Variants in ERBB4 observed in about 807,000 individuals in gnomAD.
The protein encoded by ERBB4 is receptor tyrosine-protein kinase erbB-4.
A neutral mutation model predicts 158.0 loss-of-function variants in ERBB4; 42 were observed. The observed-to-expected ratio is 0.27, with a 90% confidence interval of 0.21 to 0.34. The LOEUF (loss-of-function observed/expected upper bound fraction) is 0.34. Ranked by LOEUF, ERBB4 falls within the 10% of genes least tolerant of loss-of-function variation. The probability of loss-of-function intolerance (pLI) is 1.00; values close to 1 mark genes in which losing one functional copy is unlikely to be tolerated. For missense variants in ERBB4, 1,333 were observed against 1,624.1 expected (o/e 0.82, Z 3.08); for synonymous variants, 583 against 558.7 (o/e 1.04, Z -0.61).
At chr2:212,415,587 CTT>C (rs1000968346) in intron 1 of ERBB4, among the ~76,000 whole-genome samples, 1 of 151,912 alleles carries the variant, frequency 6.6e-6, no homozygotes, top group African/African-American at 2.4e-5. Flanking sequence ...AAACAAGAGA[CTT>C]TTCCAAATTA....
chr2:211,915,438 C>CAT (rs78546007), intron 3 of ERBB4, among the ~76,000 whole-genome samples: 30,664 of 147,434 alleles, frequency 0.21, 4,208 homozygotes, highest in African/African-American at 0.39. Flanking sequence ...TCAAACATTA[C>CAT]ATATATATAT....
At chr2:212,310,622 T>C (rs1484705915) in intron 1 of ERBB4, among the ~76,000 whole-genome samples, 1 of 145,206 alleles carries the variant, frequency 6.9e-6, no homozygotes, top group Non-Finnish European at 1.5e-5. Flanking sequence ...TGTGTGTGTG[T>C]GTGTGTGTGT....
chr2:211,525,836 G>C (rs1021225048), intron 20 of ERBB4, among the ~76,000 whole-genome samples: 1 of 152,084 alleles, frequency 6.6e-6, no homozygotes, highest in African/African-American at 2.4e-5. Flanking sequence ...TAGTGGTGGT[G>C]ACCACAGGGT....
At chr2:211,971,702 T>A (rs2081458086) in intron 2 of ERBB4, among the ~76,000 whole-genome samples, 1 of 152,188 alleles carries the variant, frequency 6.6e-6, no homozygotes, top group Non-Finnish European at 1.5e-5. Flanking sequence ...TTATCCATTA[T>A]GATCAAGTAG....
At chr2:212,051,052 T>G (rs950833226) in intron 2 of ERBB4, among the ~76,000 whole-genome samples, 5 of 152,152 alleles carry the variant, frequency 3.3e-5, no homozygotes, top group Admixed American at 2.0e-4. Context: ...GGCACTGCCA[T>G]GAAAAGTCCA....
At chr2:211,390,925 A>C (rs760028631) in intron 25 of ERBB4, among the ~76,000 whole-genome samples, 7 of 152,042 alleles carry the variant, frequency 4.6e-5, no homozygotes, top group Non-Finnish European at 1.0e-4. Context: ...CCATTTTTTC[A>C]GTTTGCTTTT....
At chr2:212,211,939 C>G (rs888629478) in intron 1 of ERBB4, among the ~76,000 whole-genome samples, 1 of 150,060 alleles carries the variant, frequency 6.7e-6, no homozygotes, top group Non-Finnish European at 1.5e-5. Context: ...ATATGTACCA[C>G]ATTTTCTTTA....
chr2:212,389,197 A>G (rs1024704157), intron 1 of ERBB4, among the ~76,000 whole-genome samples: 3 of 152,108 alleles, frequency 2.0e-5, no homozygotes. Flanking sequence ...TGATGTAGTT[A>G]CATAATGATT....
chr2:211,936,572 GA>G (rs1173423374), intron 3 of ERBB4, among the ~76,000 whole-genome samples: 4 of 152,018 alleles, frequency 2.6e-5, no homozygotes, highest in African/African-American at 9.7e-5. Context: ...TATTAAGGAA[GA>G]GGGGAAAATA....
chr2:212,020,434 A>G (rs1295515455), intron 2 of ERBB4, among the ~76,000 whole-genome samples: 2 of 152,120 alleles, frequency 1.3e-5, no homozygotes, highest in Admixed American at 6.6e-5. Context: ...CCTTACAATG[A>G]GAATATATCT....
chr2:211,515,912 A>ATATATATATATATTT (rs35696520), intron 20 of ERBB4, among the ~76,000 whole-genome samples: 12 of 78,984 alleles, frequency 1.5e-4, no homozygotes, highest in African/African-American at 6.3e-4. Context: ...ATATATATAT[A>ATATATATATATATTT]TTTTTTTTTT....
intron 22 of ERBB4, among the ~76,000 whole-genome samples, chr2:211,425,905 A>G (rs2063616592): frequency 6.6e-6 from 1 of 152,072 alleles, no homozygotes; most frequent in African/African-American, 2.4e-5. Context: ...GCTGGTCTCA[A>G]ACTCCTGGGT....
At chr2:211,551,622 A>AGTAGG (rs2067101010) in intron 20 of ERBB4, among the ~76,000 whole-genome samples, 1 of 152,150 alleles carries the variant, frequency 6.6e-6, no homozygotes, top group African/African-American at 2.4e-5. Flanking sequence ...CTATGATGTT[A>AGTAGG]GTAGGGTTAT....
intron 1 of ERBB4, among the ~76,000 whole-genome samples, chr2:212,475,892 A>G (rs181579473): frequency 9.9e-4 from 150 of 152,136 alleles, no homozygotes; most frequent in Middle Eastern, 3.4e-3. Flanking sequence ...ACTCAGTCCA[A>G]TCACTTTCAT....
chr2:212,155,168 TAAG>T (rs1279064689), intron 1 of ERBB4, among the ~76,000 whole-genome samples: 2 of 152,146 alleles, frequency 1.3e-5, no homozygotes, highest in Non-Finnish European at 2.9e-5. Context: ...AAGCTTGTCT[TAAG>T]AAAAAAGTCT....
At chr2:212,084,239 A>C (rs1391822106) in intron 2 of ERBB4, among the ~76,000 whole-genome samples, 1 of 152,002 alleles carries the variant, frequency 6.6e-6, no homozygotes, top group Non-Finnish European at 1.5e-5. Flanking sequence ...CAACTCAACA[A>C]ATTAGCGGGA....
intron 12 of ERBB4, among the ~76,000 whole-genome samples, chr2:211,701,305 A>G (rs1175571008): frequency 6.6e-6 from 1 of 152,152 alleles, no homozygotes; most frequent in African/African-American, 2.4e-5. Flanking sequence ...CTGTTATGAA[A>G]CTCCCTGAAA....
chr2:211,619,177 A>G lies in ERBB4; in HGVS notation c.2301T>C (p.Asp767=). ...TGATTGCCTGGGTGTCTGTACTTACATCCATGAACTCCACATTTGCCTTGG... is the reference window on the plus strand; with the variant it reads ...TGATTGCCTGGGTGTCTGTACTTACGTCCATGAACTCCACATTTGCCTTGG... ...TGPKANVEFM[D]EALIMASMDH... is the part of the protein sequence containing the mutation. The change falls in exon 19 of 28, where the codon GAT becomes GAC. Residue 767 remains aspartate, a splice_region_variant and synonymous_variant. Coordinates refer to ENST00000342788, the MANE Select transcript of ERBB4 (RefSeq NM_005235.3). 2 of 1,567,758 alleles carry G rather than the reference A, an allele frequency of 1.3e-6. No individual in the cohort carries two copies. Among genetic ancestry groups the G allele is most frequent in the Non-Finnish European group, 1.8e-6 (2 of 1,137,962 alleles).
chr2:212,236,893 T>G (rs2083900306), intron 1 of ERBB4, among the ~76,000 whole-genome samples: 1 of 152,162 alleles, frequency 6.6e-6, no homozygotes. Context: ...GTCTATCTAT[T>G]TTGTTAACCT....
Sources: gnomAD v4.1 joint callset for allele counts (sites outside exome capture counted in the v4.1 genomes callset) on GRCh38, gnomAD v4.1.1 for gene constraint, MANE v1.5 for transcripts, NCBI Gene and HGNC (gene_info 2026-07-23, HGNC 2026-07-21) for gene names.